NMD3: variants seen among roughly 807,000 people sequenced by gnomAD.
NMD3 encodes the protein NMD3 ribosome export adaptor, also known as 60S ribosomal export protein NMD3.
A neutral mutation model predicts 73.1 loss-of-function variants in NMD3; 47 were observed. The observed-to-expected ratio is 0.64, with a 90% CI of 0.51 to 0.82. The LOEUF (loss-of-function observed/expected upper bound fraction) is 0.82, where lower values mean the gene tolerates loss of function less well. Ranked by LOEUF, NMD3 falls within the 40% of genes least tolerant of loss-of-function variation. The probability of loss-of-function intolerance (pLI) is 0.00; values close to 1 mark genes in which losing one functional copy is unlikely to be tolerated. For missense variants in NMD3, 554 were observed against 612.5 expected (o/e 0.90, Z 1.01); for synonymous variants, 210 against 194.5 (o/e 1.08, Z -0.66).
intron 4 of NMD3, among the ~76,000 whole-genome samples, chr3:161,230,872 G>C (rs866814153): frequency 3.3e-5 from 5 of 152,176 alleles, no homozygotes; most frequent in Admixed American, 3.3e-4. Flanking sequence ...TGTGGGAAGA[G>C]CTGTTAGATA....
chr3:161,252,568 T>C (rs974633725), downstream of NMD3, among the ~76,000 whole-genome samples: 3 of 152,138 alleles, frequency 2.0e-5, no homozygotes, highest in Non-Finnish European at 4.4e-5. Context: ...TTGCACAAAG[T>C]TAAATAACCT....
intron 11 of NMD3, among the ~76,000 whole-genome samples, chr3:161,244,817 C>T (rs1327514964): frequency 6.6e-6 from 1 of 151,894 alleles, no homozygotes; most frequent in Admixed American, 6.6e-5. Flanking sequence ...GAGTCAATCT[C>T]ACTGTTTTTT....
intron 2 of NMD3, among the ~76,000 whole-genome samples, chr3:161,224,093 T>G (rs1736212400): frequency 6.6e-6 from 1 of 152,230 alleles, no homozygotes; most frequent in Non-Finnish European, 1.5e-5. Context: ...AAATTAAAAT[T>G]AGTGCAAGAT....
chr3:161,243,173 A>G (rs1245443842), intron 11 of NMD3, among the ~76,000 whole-genome samples: 1 of 152,162 alleles, frequency 6.6e-6, no homozygotes, highest in Non-Finnish European at 1.5e-5. Flanking sequence ...ACCAAACTCT[A>G]TGTGTATTGT....
intron 3 of NMD3, among the ~76,000 whole-genome samples, chr3:161,226,979 G>A (rs1736343411): frequency 6.6e-6 from 1 of 152,130 alleles, no homozygotes; most frequent in Admixed American, 6.5e-5. Flanking sequence ...GGACATTTTA[G>A]TGGTGATTTG....
At chr3:161,252,710 G>T, downstream of NMD3, 2 of 609,370 alleles carry the variant, frequency 3.3e-6, no homozygotes, top group Admixed American at 2.6e-5. Flanking sequence ...ACAAGAACAT[G>T]ATTTATAACC....
At chr3:161,233,656 A>G (rs930654483) in intron 5 of NMD3, among the ~76,000 whole-genome samples, 177 bp downstream of exon 5, 2 of 152,212 alleles carry the variant, frequency 1.3e-5, no homozygotes, top group Non-Finnish European at 2.9e-5. Flanking sequence ...AAGAGTAGTC[A>G]TTGCTTCTGA....
chr3:161,224,595 G>T (rs1736235096), intron 2 of NMD3, among the ~76,000 whole-genome samples: 1 of 151,964 alleles, frequency 6.6e-6, no homozygotes, highest in African/African-American at 2.4e-5. Flanking sequence ...GGTTTGATAT[G>T]CATGCCTCAG....
chr3:161,244,977 C>T (rs1255402469), intron 11 of NMD3, among the ~76,000 whole-genome samples: 1 of 152,056 alleles, frequency 6.6e-6, no homozygotes, highest in Non-Finnish European at 1.5e-5. Context: ...ACGTGACTCT[C>T]CTGGTCTTTG....
Position 161,227,228 on chromosome 3 carries a change from A to T in NMD3, c.180-19A>T. On this transcript the variant is annotated intron_variant, in intron 3 of 15. Coordinates refer to ENST00000351193, the MANE Select transcript of NMD3 (RefSeq NM_015938.5). The stretch of plus-strand genomic sequence containing the variant: ...TTCCTGACAGATGTTGGATTTCAGT[A>T]TGTTATCTTCTCTTTTAGGTATTTT... The T allele has an allele frequency of 6.7e-7, 1 of 1,484,434 alleles. No homozygotes were observed. The highest frequency in any genetic ancestry group is 1.2e-5 in the South Asian group (1 of 86,344). 92.0% of individuals were successfully genotyped at this position (1,484,434 alleles called of 1,614,324 possible). A position where few individuals can be genotyped will look rare whatever the true frequency, so the allele number is the denominator to read the frequency against.
chr3:161,228,382 T>C (rs1736406033), intron 4 of NMD3, among the ~76,000 whole-genome samples: 1 of 152,124 alleles, frequency 6.6e-6, no homozygotes, highest in African/African-American at 2.4e-5. Flanking sequence ...ACCTTTTTGG[T>C]TTTTTTCGCT....
At chr3:161,226,441 T>A (rs1736320257) in intron 3 of NMD3, among the ~76,000 whole-genome samples, 1 of 151,922 alleles carries the variant, frequency 6.6e-6, no homozygotes, top group Admixed American at 6.6e-5. Context: ...AGCGAGACTC[T>A]GTCTCAAAAG....
Position 161,252,232 on chromosome 3 carries a change from T to A in NMD3, c.*1322T>A, listed in dbSNP as rs879893176. On this transcript the variant is annotated 3_prime_UTR_variant, in exon 16 of 16. Coordinates refer to ENST00000351193, the MANE Select transcript of NMD3 (RefSeq NM_015938.5). ...AAAGCAAGTTCTCATTGGTGGTCTG[T>A]GTTTACATCTTCCGTGTCAAGATAT... 6.6e-6 allele frequency: 1 copy of A among 152,236 alleles called. No individual in the cohort carries two copies. Among genetic ancestry groups the A allele is most frequent in the Admixed American group, 6.5e-5 (1 of 15,282 alleles). 9.4% of individuals were successfully genotyped at this position (152,236 alleles called of 1,614,324 possible). A position where few individuals can be genotyped will look rare whatever the true frequency, so the allele number is the denominator to read the frequency against.
intron 2 of NMD3, 73 bp downstream of exon 2, chr3:161,222,130 AAC>A (rs1736124487): frequency 8.2e-7 from 1 of 1,223,022 alleles, no homozygotes; most frequent in African/African-American, 1.5e-5. Flanking sequence ...CACTATGGAG[AAC>A]GCTTGAGGGT....
chr3:161,231,638 G>A (rs1461460419), intron 4 of NMD3, among the ~76,000 whole-genome samples: 1 of 152,144 alleles, frequency 6.6e-6, no homozygotes, highest in African/African-American at 2.4e-5. Context: ...TATTTGAGGA[G>A]GAGACAAGGA....
intron 2 of NMD3, chr3:161,222,774 A>G (rs926154612): frequency 2.6e-5 from 4 of 152,276 alleles, no homozygotes; most frequent in Admixed American, 6.5e-5. Flanking sequence ...GAATGACCCT[A>G]ATCTCACAGG....
intron 2 of NMD3, among the ~76,000 whole-genome samples, chr3:161,223,655 T>C (rs998827234): frequency 4.6e-5 from 7 of 152,248 alleles, no homozygotes; most frequent in African/African-American, 1.7e-4. Flanking sequence ...GACACCATAC[T>C]GTTCACCTAA....
chr3:161,225,088 CTTTTTAAAGTTGGAATTTACA>C (rs1736262656), intron 3 of NMD3, 24 bp downstream of exon 3: 5 of 1,596,878 alleles, frequency 3.1e-6, no homozygotes, highest in Non-Finnish European at 4.3e-6. Flanking sequence ...CAATTTTGCT[CTTTTTAAAGTTGGAATTTACA>C]TTTAGAGAAC....
intron 2 of NMD3, 151 bp from the exon 3 acceptor site, chr3:161,224,779 C>G (rs893612354): frequency 2.9e-6 from 2 of 678,774 alleles, no homozygotes; most frequent in African/African-American, 3.7e-5. Context: ...GAGCCACTGG[C>G]TGGCCCAGGT....
Sources: gnomAD v4.1 joint callset for allele counts (sites outside exome capture counted in the v4.1 genomes callset) on GRCh38, gnomAD v4.1.1 for gene constraint, MANE v1.5 for transcripts, NCBI Gene and HGNC (gene_info 2026-07-23, HGNC 2026-07-21) for gene names.